Variants in SLC25A24 observed in about 807,000 individuals in gnomAD.
SLC25A24 encodes the protein solute carrier family 25 member 24.
In SLC25A24, 49 loss-of-function variants were observed where a neutral mutation model predicts 60.7. The ratio of observed to expected loss-of-function variants is 0.81; its 90% CI spans 0.64 to 1.02. The LOEUF (loss-of-function observed/expected upper bound fraction) is 1.02. Among genes scored for constraint, SLC25A24 ranks in the 50% least tolerant of loss-of-function variants. The pLI is 0.00. For synonymous variants in SLC25A24, 202 were observed against 200.6 expected (o/e 1.01, Z -0.06); for missense variants, 564 against 586.3 (o/e 0.96, Z 0.39).
intron 6 of SLC25A24, among the ~76,000 whole-genome samples, chr1:108,149,986 T>C (rs1558010229): frequency 6.6e-6 from 1 of 152,234 alleles, no homozygotes; most frequent in Admixed American, 6.5e-5. Flanking sequence ...CCCAGAGAGA[T>C]CACTGCTTCC....
intron 1 of SLC25A24, among the ~76,000 whole-genome samples, chr1:108,189,500 C>T (rs914697024): frequency 1.3e-5 from 2 of 152,140 alleles, no homozygotes; most frequent in Non-Finnish European, 2.9e-5. Context: ...AGTAGCTGAA[C>T]CAGTTATCAG....
intron 3 of SLC25A24, among the ~76,000 whole-genome samples, chr1:108,168,417 T>A (rs147202957): frequency 3.0e-4 from 46 of 152,344 alleles, no homozygotes; most frequent in African/African-American, 9.4e-4. Context: ...GGATTTTTTT[T>A]AATTTCATTC....
At chr1:108,158,897 G>A (rs1035073556) in intron 4 of SLC25A24, among the ~76,000 whole-genome samples, 13 of 152,086 alleles carry the variant, frequency 8.5e-5, no homozygotes, top group Non-Finnish European at 1.3e-4. Flanking sequence ...CAGCTACTCC[G>A]GTGGCTGAGG....
chr1:108,161,238 A>C lies in SLC25A24; in HGVS notation c.454T>G (p.Leu152Val). The change falls in exon 4 of 10, where the codon TTA becomes GTA. Residue 152 changes from leucine (L) to valine (V), a missense_variant. Coordinates refer to ENST00000565488, the MANE Select transcript of SLC25A24 (RefSeq NM_013386.5). ...TCAATGTCTGTAACAGGATTAAATA[A>C]GAAGTAGTCTCTCCATTCATTCCAG... ...VDWNEWRDYFLFNPVTDIEEI... is the reference protein window; with the variant it reads ...VDWNEWRDYFVFNPVTDIEEI... The C allele has an allele frequency of 6.2e-7, 1 of 1,605,656 alleles. No homozygotes were observed. The highest frequency in any genetic ancestry group is 8.5e-7 in the Non-Finnish European group (1 of 1,172,842).
chr1:108,195,603 C>A (rs986725293), intron 1 of SLC25A24, among the ~76,000 whole-genome samples: 1 of 152,096 alleles, frequency 6.6e-6, no homozygotes, highest in Non-Finnish European at 1.5e-5. Flanking sequence ...TTTTCTTATA[C>A]CATAATCTTT....
intron 7 of SLC25A24, among the ~76,000 whole-genome samples, chr1:108,146,861 T>A (rs533845524): frequency 2.0e-5 from 3 of 152,352 alleles, no homozygotes; most frequent in African/African-American, 7.2e-5. Flanking sequence ...ATCAGGGATA[T>A]TGGCCTGAAA....
chr1:108,185,135 G>T (rs1261355355), intron 2 of SLC25A24, among the ~76,000 whole-genome samples: 1 of 152,036 alleles, frequency 6.6e-6, no homozygotes, highest in African/African-American at 2.4e-5. Flanking sequence ...ATAGTAAGAG[G>T]CCCTCACCAG....
chr1:108,173,658 G>A (rs1310424554), intron 3 of SLC25A24, among the ~76,000 whole-genome samples: 1 of 152,216 alleles, frequency 6.6e-6, no homozygotes, highest in Non-Finnish European at 1.5e-5. Context: ...GGAAGGTTCA[G>A]AAGAAGACTG....
chr1:108,154,680 T>G (rs1679845621), intron 6 of SLC25A24, among the ~76,000 whole-genome samples: 1 of 152,204 alleles, frequency 6.6e-6, no homozygotes, highest in Non-Finnish European at 1.5e-5. Flanking sequence ...AAACTTATGT[T>G]AGTGTGCTGC....
intron 3 of SLC25A24, among the ~76,000 whole-genome samples, chr1:108,174,129 C>T (rs568112570): frequency 6.6e-6 from 1 of 152,316 alleles, no homozygotes; most frequent in South Asian, 2.1e-4. Context: ...ATCACTAAGA[C>T]AATGGGGAAA....
In SLC25A24 at chr1:108,135,946, G is replaced by A. The variant is rs1679271587; in HGVS notation, c.*707C>T. The A allele has an allele frequency of 6.6e-6, 1 of 152,132 alleles. No individual in the cohort carries two copies. The highest frequency in any genetic ancestry group is 1.9e-4 in the East Asian group (1 of 5,204). 9.4% of individuals were successfully genotyped at this position (152,132 alleles called of 1,614,324 possible). Reference sequence around the variant, plus strand: ...TTTTCAAAGCAATGGCAGGATAAACGGAATCTTTCAAATAAATTGCCTTGT... The same window carrying A: ...TTTTCAAAGCAATGGCAGGATAAACAGAATCTTTCAAATAAATTGCCTTGT... On this transcript the variant is annotated 3_prime_UTR_variant, in exon 10 of 10. Transcript: ENST00000565488.
chr1:108,185,285 A>T (rs545552865), intron 2 of SLC25A24, among the ~76,000 whole-genome samples: 1 of 152,344 alleles, frequency 6.6e-6, no homozygotes, highest in East Asian at 1.9e-4. Flanking sequence ...TAATCGAAAT[A>T]TAGAAGTCAT....
chr1:108,148,388 T>A lies in SLC25A24; in HGVS notation c.823-2A>T. ...TTCTTCAGTAAGTAACTTCTTGTAC[T>A]GTATAAACAAGTTTTAAAATGCACA... On this transcript the variant is annotated splice_acceptor_variant, in intron 6 of 9. Transcript: ENST00000565488. LOFTEE classifies it high-confidence loss of function. The A allele has an allele frequency of 6.4e-7, 1 of 1,554,430 alleles. No homozygotes were observed. The highest frequency in any genetic ancestry group is 8.9e-7 in the Non-Finnish European group (1 of 1,125,726).
At chr1:108,148,807 C>T (rs943181753) in intron 6 of SLC25A24, among the ~76,000 whole-genome samples, 2 of 152,198 alleles carry the variant, frequency 1.3e-5, no homozygotes, top group African/African-American at 4.8e-5. Context: ...ACTAGACAAT[C>T]CTAGAATACA....
chr1:108,198,599 C>T (rs145463653), intron 1 of SLC25A24: 10 of 152,300 alleles, frequency 6.6e-5, no homozygotes, highest in African/African-American at 2.2e-4. Flanking sequence ...GAATATGATG[C>T]AGTTACGTAA....
chr1:108,190,480 A>G (rs572353945), intron 1 of SLC25A24, among the ~76,000 whole-genome samples: 1 of 152,226 alleles, frequency 6.6e-6, no homozygotes, highest in Admixed American at 6.5e-5. Context: ...TGGTCTGTTT[A>G]TTTTAGATAA....
At chr1:108,170,446 A>G (rs1254239339) in intron 3 of SLC25A24, among the ~76,000 whole-genome samples, 1 of 152,074 alleles carries the variant, frequency 6.6e-6, no homozygotes, top group Non-Finnish European at 1.5e-5. Flanking sequence ...TAATTTTTTG[A>G]TGCTAGGTCC....
chr1:108,140,473 T>C (rs889756371), intron 8 of SLC25A24, among the ~76,000 whole-genome samples: 1 of 152,088 alleles, frequency 6.6e-6, no homozygotes, highest in Non-Finnish European at 1.5e-5. Flanking sequence ...GGTCAATATT[T>C]AGAATATTAT....
At position 108,193,097 on chromosome 1, in the gene SLC25A24, C is replaced by T. The variant is rs1022870594; in HGVS notation, c.183+6859G>A. Among the ~76,000 whole-genome samples, 5 of 139,808 alleles carry T rather than the reference C, an allele frequency of 3.6e-5. 2 individuals are homozygous for T. Among genetic ancestry groups the T allele is most frequent in the Non-Finnish European group, 7.8e-5 (5 of 63,732 alleles). 91.7% of individuals were successfully genotyped at this position (139,808 alleles called of 152,430 possible). A position where few individuals can be genotyped will look rare whatever the true frequency, so the allele number is the denominator to read the frequency against. On this transcript the variant is annotated intron_variant, in intron 1 of 9. Coordinates refer to ENST00000565488, the MANE Select transcript of SLC25A24 (RefSeq NM_013386.5). Reference sequence around the variant, plus strand: ...TTGCAGCATAAGTGACTGGCGGTGGCGGCCTGCCAACATTTAAAAAAAATT... The same window carrying T: ...TTGCAGCATAAGTGACTGGCGGTGGTGGCCTGCCAACATTTAAAAAAAATT...
Sources: allele counts gnomAD v4.1 joint callset (sites outside exome capture counted in the v4.1 genomes callset), GRCh38; gene constraint gnomAD v4.1.1; transcripts MANE v1.5; gene names NCBI Gene and HGNC (gene_info 2026-07-23, HGNC 2026-07-21).